GRIA4: variants seen among roughly 807,000 people sequenced by gnomAD.
The protein encoded by GRIA4 is glutamate ionotropic receptor AMPA type subunit 4, also known as glutamate receptor 4.
In GRIA4, 34 loss-of-function variants were observed where a neutral mutation model predicts 104.0. The observed-to-expected ratio is 0.33, with a 90% confidence interval of 0.25 to 0.44. GRIA4 has a LOEUF of 0.44. Among genes scored for constraint, GRIA4 ranks in the 20% least tolerant of loss-of-function variants. The probability of loss-of-function intolerance (pLI) is 1.00; values close to 1 mark genes in which losing one functional copy is unlikely to be tolerated. For missense variants in GRIA4, 750 were observed against 1,096.5 expected (o/e 0.68, Z 4.46); for synonymous variants, 386 against 381.9 (o/e 1.01, Z -0.13).
intron 3 of GRIA4, among the ~76,000 whole-genome samples, chr11:105,644,001 G>C (rs891085672): frequency 1.4e-4 from 21 of 152,204 alleles, no homozygotes; most frequent in Non-Finnish European, 2.9e-4. Flanking sequence ...TTACAGGCAT[G>C]AGCCACCACT....
At chr11:105,786,360 A>G (rs1478092710) in intron 4 of GRIA4, among the ~76,000 whole-genome samples, 1 of 152,084 alleles carries the variant, frequency 6.6e-6, no homozygotes, top group African/African-American at 2.4e-5. Context: ...TTTCAACTGG[A>G]TCATTTGAAC....
intron 4 of GRIA4, among the ~76,000 whole-genome samples, chr11:105,798,072 A>G (rs1450026321): frequency 6.6e-6 from 1 of 152,012 alleles, no homozygotes; most frequent in East Asian, 1.9e-4. Context: ...ATATATATAA[A>G]ACCACACATA....
At chr11:105,736,755 G>A (rs968691230) in intron 3 of GRIA4, among the ~76,000 whole-genome samples, 8 of 151,384 alleles carry the variant, frequency 5.3e-5, no homozygotes, top group African/African-American at 1.9e-4. Flanking sequence ...TGGTTTTAAG[G>A]GATTCAAACT....
intron 3 of GRIA4, among the ~76,000 whole-genome samples, chr11:105,632,135 A>G (rs1951049564): frequency 1.3e-5 from 2 of 152,212 alleles, no homozygotes; most frequent in Admixed American, 6.5e-5. Flanking sequence ...TTGATAATTC[A>G]AGAACCGTAA....
At position 105,671,024 on chromosome 11, in the gene GRIA4, C is replaced by G. The variant is rs138539504; in HGVS notation, c.247+58590C>G. Among the ~76,000 whole-genome samples the G allele has an allele frequency of 7.9e-5, 12 of 152,228 alleles. No individual in the cohort carries two copies. In the East Asian group the frequency reaches 1.9e-3, roughly 25 times the overall value. On this transcript the variant is annotated intron_variant, in intron 3 of 16. Coordinates refer to ENST00000282499, the MANE Select transcript of GRIA4 (RefSeq NM_000829.4). ...GATGACAACATTGCATCTCTCTCTG[C>G]CCTTTTTCCACACTGAGTCACATCT...
chr11:105,686,185 A>C (rs1952876789), intron 3 of GRIA4, among the ~76,000 whole-genome samples: 1 of 152,216 alleles, frequency 6.6e-6, no homozygotes, highest in Non-Finnish European at 1.5e-5. Context: ...TACTGAGCAC[A>C]GTACTCAACA....
At chr11:105,725,810 T>A (rs1938168476) in intron 3 of GRIA4, among the ~76,000 whole-genome samples, 1 of 152,054 alleles carries the variant, frequency 6.6e-6, no homozygotes, top group African/African-American at 2.4e-5. Context: ...CTCCCTCCCC[T>A]AGCCAAGAGA....
intron 3 of GRIA4, among the ~76,000 whole-genome samples, chr11:105,713,455 A>G (rs1953985528): frequency 6.6e-6 from 1 of 152,176 alleles, no homozygotes; most frequent in African/African-American, 2.4e-5. Context: ...GGAAATTTAT[A>G]AAATGAAATT....
At position 105,925,296 on chromosome 11, in the gene GRIA4, A is replaced by G. The variant is rs1591451779; in HGVS notation, c.1847+527A>G. Among the ~76,000 whole-genome samples, 11 of 152,286 alleles carry G rather than the reference A, an allele frequency of 7.2e-5. No homozygotes were observed. In the South Asian group the frequency reaches 2.3e-3, roughly 32 times the overall value. On this transcript the variant is annotated intron_variant, in intron 12 of 16. Coordinates refer to ENST00000282499, the MANE Select transcript of GRIA4 (RefSeq NM_000829.4). The stretch of plus-strand genomic sequence containing the variant: ...TAAATTAGCTAAGCAATAGGCAAAA[A>G]GCCAACCATGCAAACACTATGCTAG...
At chr11:105,887,616 C>G (rs750147211) in intron 6 of GRIA4, 44 bp downstream of exon 6, 3 of 859,000 alleles carry the variant, frequency 3.5e-6, no homozygotes, top group Non-Finnish European at 5.9e-6. Context: ...ATTGCTCAAG[C>G]ACACAAGATT....
At chr11:105,622,150 A>C (rs1950764506) in intron 3 of GRIA4, among the ~76,000 whole-genome samples, 1 of 151,780 alleles carries the variant, frequency 6.6e-6, no homozygotes. Flanking sequence ...CAAACATTTA[A>C]AATTTTTGTT....
At chr11:105,645,100 G>T (rs548223979) in intron 3 of GRIA4, among the ~76,000 whole-genome samples, 144 of 152,276 alleles carry the variant, frequency 9.5e-4, no homozygotes, top group Middle Eastern at 3.4e-3. Flanking sequence ...TTGGTTTGCA[G>T]ATGCAGCTTC....
chr11:105,933,616 G>A (rs1192118379), intron 13 of GRIA4, 106 bp from the exon 14 acceptor site: 2 of 754,794 alleles, frequency 2.6e-6, no homozygotes, highest in Non-Finnish European at 4.2e-6. Context: ...TGGAGTTAGA[G>A]AGCAATGGAA....
At chr11:105,972,237 T>C (rs2136285425) in intron 15 of GRIA4, among the ~76,000 whole-genome samples, 1 of 152,338 alleles carries the variant, frequency 6.6e-6, no homozygotes, top group Admixed American at 6.5e-5. Flanking sequence ...TTAAATTAAA[T>C]TAAAACTGCA....
chr11:105,792,189 A>C, intron 4 of GRIA4, among the ~76,000 whole-genome samples: 1 of 152,330 alleles, frequency 6.6e-6, no homozygotes, highest in East Asian at 1.9e-4. Context: ...GTAACATAAA[A>C]GTAAACACCA....
intron 14 of GRIA4, among the ~76,000 whole-genome samples, chr11:105,934,660 G>C (rs1361747706): frequency 1.3e-5 from 2 of 152,140 alleles, no homozygotes; most frequent in African/African-American, 4.8e-5. Flanking sequence ...TGTGGTTAAT[G>C]AGCAAACCAT....
chr11:105,797,212 A>C (rs1016862312), intron 4 of GRIA4, among the ~76,000 whole-genome samples: 1 of 152,148 alleles, frequency 6.6e-6, no homozygotes, highest in Non-Finnish European at 1.5e-5. Flanking sequence ...CTGTCTTGAA[A>C]ATAAATAAAT....
chr11:105,637,873 G>A lies in GRIA4; in HGVS notation c.247+25439G>A, dbSNP rs574639539. Among the ~76,000 whole-genome samples, 5 of 152,188 alleles carry A rather than the reference G, an allele frequency of 3.3e-5. No individual in the cohort carries two copies. The East Asian group carries it at 7.7e-4, about 23-fold the overall frequency. On this transcript the variant is annotated intron_variant, in intron 3 of 16. Coordinates refer to ENST00000282499, the MANE Select transcript of GRIA4 (RefSeq NM_000829.4). ...CCAGGTGCAAATGACCATGAAGGAG[G>A]ATGGCTTATCACCGATGAAAAACTG...
chr11:105,933,097 T>C (rs928241918), intron 13 of GRIA4, among the ~76,000 whole-genome samples: 5 of 151,568 alleles, frequency 3.3e-5, no homozygotes, highest in South Asian at 2.1e-4. Context: ...TTTTAATTAG[T>C]TGGACATGGT....
Sources: allele counts gnomAD v4.1 joint callset (sites outside exome capture counted in the v4.1 genomes callset), GRCh38; gene constraint gnomAD v4.1.1; transcripts MANE v1.5; gene names NCBI Gene and HGNC (gene_info 2026-07-23, HGNC 2026-07-21).